Variants in NENF observed in about 807,000 individuals in gnomAD.
NENF encodes the protein neudesin.
NENF carries 6 observed loss-of-function variants against 14.8 expected under a neutral mutation model. That is an observed-to-expected ratio of 0.40 (90% CI 0.22 to 0.80). The LOEUF is 0.80. Among genes scored for constraint, NENF ranks in the 30% least tolerant of loss-of-function variants. The pLI is 0.34. For synonymous variants in NENF, 76 were observed against 95.1 expected (o/e 0.80, Z 1.17); for missense variants, 184 against 212.7 (o/e 0.87, Z 0.84).
In NENF at chr1:212,433,927, GC is replaced by G. The variant is rs1662564002; in HGVS notation, c.177+808del. On this transcript the variant is annotated intron_variant, in intron 1 of 3. Coordinates refer to ENST00000366988, the MANE Select transcript of NENF (RefSeq NM_013349.5). This position sits in a 1 kb window ranked among gnomAD's most constrained non-coding sequence, Gnocchi z 5.5. The stretch of plus-strand genomic sequence containing the variant: ...GGTCATAGTACCATAGTATTTCAGA[GC>G]TGGCAGGAACCCATCTCCTGCTTTT... Among the ~76,000 whole-genome samples, 1 of 152,170 alleles carries G rather than the reference GC, an allele frequency of 6.6e-6. No homozygotes were observed. Among genetic ancestry groups the G allele is most frequent in the South Asian group, 2.1e-4 (1 of 4,832 alleles).
At chr1:212,434,176 C>T (rs1163386332) in intron 1 of NENF, among the ~76,000 whole-genome samples, 1 of 152,060 alleles carries the variant, frequency 6.6e-6, no homozygotes, top group Non-Finnish European at 1.5e-5. Context: ...GTGAGGACAC[C>T]GAGGGAGGGA....
rs1662548726 is a variant in NENF, at chr1:212,433,228, G to A, written c.177+108G>A. The A allele has an allele frequency of 3.0e-6, 2 of 664,698 alleles. No individual in the cohort carries two copies. Among genetic ancestry groups the A allele is most frequent in the Non-Finnish European group, 4.0e-6 (2 of 501,058 alleles). The allele number at this position is 664,698 out of a possible 1,614,324, so 41.2% of individuals were successfully genotyped here. A position where few individuals can be genotyped will look rare whatever the true frequency, so the allele number is the denominator to read the frequency against. ...CGGCCCAGGAAGCTCTGGGGGACGC[G>A]CGGCCCGCGGCGGGCGCCCTGGGCC... On this transcript the variant is annotated intron_variant, in intron 1 of 3. Transcript: ENST00000366988. This position sits in a 1 kb window ranked among gnomAD's most constrained non-coding sequence, Gnocchi z 5.5.
chr1:212,445,384 A>T (rs1442928901), intron 3 of NENF, among the ~76,000 whole-genome samples: 2 of 152,244 alleles, frequency 1.3e-5, no homozygotes, highest in Non-Finnish European at 2.9e-5. Context: ...CCAAACTCAT[A>T]ACAAAATGAA....
At chr1:212,442,100 C>T (rs1197869667) in intron 1 of NENF, among the ~76,000 whole-genome samples, 1 of 152,204 alleles carries the variant, frequency 6.6e-6, no homozygotes, top group Non-Finnish European at 1.5e-5. Flanking sequence ...CGACCTCTGC[C>T]TCCAGGGTTC....
Position 212,432,923 on chromosome 1 carries a change from G to C in NENF, c.-21G>C. 1.6e-6 allele frequency: 1 copy of C among 622,226 alleles called. No homozygotes were observed. The allele number at this position is 622,226 out of a possible 1,614,324, so 38.5% of individuals were successfully genotyped here. ...GGCCCCGCCGCCCTGGCCCGGCCTT[G>C]CCTTGCGCTGCGCGCTCACCATGGT... On this transcript the variant is annotated 5_prime_UTR_variant, in exon 1 of 4. Transcript: ENST00000366988.
chr1:212,445,725 C>T (rs1177472659), intron 3 of NENF, 105 bp from the exon 4 acceptor site: 1 of 937,990 alleles, frequency 1.1e-6, no homozygotes, highest in Non-Finnish European at 1.5e-6. Flanking sequence ...TATCTTTTCT[C>T]TTGCATTAGG....
intron 1 of NENF, among the ~76,000 whole-genome samples, chr1:212,438,113 C>G (rs1030807576): frequency 1.3e-5 from 2 of 152,120 alleles, no homozygotes; most frequent in African/African-American, 4.8e-5. Flanking sequence ...ATGTAGATAA[C>G]AGGTTATAAA....
chr1:212,444,054 A>C (rs7519771), intron 2 of NENF, among the ~76,000 whole-genome samples: 42,995 of 151,674 alleles, frequency 0.28, 6,339 homozygotes, highest in Admixed American at 0.3. Context: ...TGTCAAAAAA[A>C]AACAACAACA....
Position 212,433,490 on chromosome 1 carries a change from G to A in NENF, c.177+370G>A, listed in dbSNP as rs1193855018. On this transcript the variant is annotated intron_variant, in intron 1 of 3. Coordinates refer to ENST00000366988, the MANE Select transcript of NENF (RefSeq NM_013349.5). The surrounding 1 kb of genome is among the most constrained non-coding windows in gnomAD (Gnocchi z 5.5). ...TTACTGTGCCCACGCATAGTGGGGA[G>A]TGGCGGGGGACGGAGGGAGGGAAGC... Among the ~76,000 whole-genome samples the A allele has an allele frequency of 6.6e-6, 1 of 152,100 alleles. No individual in the cohort carries two copies. The highest frequency in any genetic ancestry group is 1.9e-4 in the East Asian group (1 of 5,178).
intron 1 of NENF, among the ~76,000 whole-genome samples, chr1:212,442,005 T>G (rs1662705720): frequency 6.6e-6 from 1 of 152,242 alleles, no homozygotes; most frequent in Non-Finnish European, 1.5e-5. Flanking sequence ...ATGAAGTTGC[T>G]TCTGTTCCTG....
Position 212,444,551 on chromosome 1 carries a change from G to C in NENF, c.342+109G>C. 15 of 491,730 alleles carry C rather than the reference G, an allele frequency of 3.1e-5. 1 individual carries two copies. The highest frequency in any genetic ancestry group is 4.6e-5 in the Non-Finnish European group (14 of 306,240). 30.5% of individuals were successfully genotyped at this position (491,730 alleles called of 1,614,324 possible). On this transcript the variant is annotated intron_variant, in intron 3 of 3. Transcript: ENST00000366988. ...TGTGTGTGTGTGTGTGTGTGTGTGT[G>C]TGTGTGTGTGTGTGTGTATCTGGGC...
At chr1:212,439,619 A>C (rs1368035219) in intron 1 of NENF, among the ~76,000 whole-genome samples, 1 of 147,478 alleles carries the variant, frequency 6.8e-6, no homozygotes, top group Non-Finnish European at 1.5e-5. Context: ...CAAGGCAGGC[A>C]GATTACCTGA....
chr1:212,435,838 C>G (rs1472561232), intron 1 of NENF, among the ~76,000 whole-genome samples: 2 of 152,128 alleles, frequency 1.3e-5, no homozygotes, highest in Admixed American at 1.3e-4. Context: ...AGCCTCCATG[C>G]CTGGCTCAAA....
chr1:212,444,318 C>A, intron 2 of NENF, 21 bp from the exon 3 acceptor site: 1 of 1,523,690 alleles, frequency 6.6e-7, no homozygotes, highest in Non-Finnish European at 8.9e-7. Flanking sequence ...GCTTACGTCT[C>A]TTCCTTCCTT....
rs928534592 is a variant in NENF, at chr1:212,433,231, G to A, written c.177+111G>A. On this transcript the variant is annotated intron_variant, in intron 1 of 3. Transcript: ENST00000366988. This position sits in a 1 kb window ranked among gnomAD's most constrained non-coding sequence, Gnocchi z 5.5. ...CCCAGGAAGCTCTGGGGGACGCGCG[G>A]CCCGCGGCGGGCGCCCTGGGCCGGC... 9.0e-6 allele frequency: 6 copies of A among 663,218 alleles called. No individual in the cohort carries two copies. The highest frequency in any genetic ancestry group is 1.0e-5 in the Non-Finnish European group (5 of 500,154). 41.1% of individuals were successfully genotyped at this position (663,218 alleles called of 1,614,324 possible).
At chr1:212,443,636 C>T (rs1380456150) in intron 2 of NENF, among the ~76,000 whole-genome samples, 3 of 152,048 alleles carry the variant, frequency 2.0e-5, no homozygotes, top group Non-Finnish European at 4.4e-5. Flanking sequence ...ATGATCTGCC[C>T]ATCTTGGCTT....
chr1:212,439,110 G>C (rs772505117), intron 1 of NENF, among the ~76,000 whole-genome samples: 2 of 151,376 alleles, frequency 1.3e-5, no homozygotes, highest in Non-Finnish European at 2.9e-5. Flanking sequence ...CATGGCATAT[G>C]AGGTATCTAT....
In NENF at chr1:212,442,563, A is replaced by C. The variant is rs888536234; in HGVS notation, c.178-2A>C. The C allele has an allele frequency of 1.2e-6, 2 of 1,612,150 alleles. No homozygotes were observed. Among genetic ancestry groups the C allele is most frequent in the African/African-American group, 2.7e-5 (2 of 74,852 alleles). On this transcript the variant is annotated splice_acceptor_variant, in intron 1 of 3. Transcript: ENST00000366988. LOFTEE classifies it high-confidence loss of function. ...CTTCACAGCTTCTCCCCTGCTTTCT[A>C]GGAAGATCAGCCCATCTACTTGGCA...
At chr1:212,443,924 T>C (rs1662735374) in intron 2 of NENF, among the ~76,000 whole-genome samples, 1 of 151,650 alleles carries the variant, frequency 6.6e-6, no homozygotes, top group African/African-American at 2.4e-5. Flanking sequence ...TGGTGGCACA[T>C]GCCTGTAGTC....
Sources: gnomAD v4.1 joint callset for allele counts (sites outside exome capture counted in the v4.1 genomes callset) on GRCh38, gnomAD v4.1.1 for gene constraint, Gnocchi (gnomAD v3.1) non-coding constraint, MANE v1.5 for transcripts, NCBI Gene and HGNC (gene_info 2026-07-23, HGNC 2026-07-21) for gene names.